Variants in CACNA1C observed in about 807,000 individuals in gnomAD.
CACNA1C encodes the protein calcium voltage-gated channel subunit alpha1 C.
Under a neutral mutation model 229.0 loss-of-function variants are expected in CACNA1C, and 30 were observed. The ratio of observed to expected loss-of-function variants is 0.13; its 90% confidence interval spans 0.10 to 0.18. The LOEUF is 0.18. Among genes scored for constraint, CACNA1C ranks in the 10% least tolerant of loss-of-function variants. The probability of loss-of-function intolerance (pLI) is 1.00; values close to 1 mark genes in which losing one functional copy is unlikely to be tolerated. For missense variants in CACNA1C, 1,658 were observed against 2,845.0 expected (o/e 0.58, Z 9.49); for synonymous variants, 1,114 against 1,132.5 (o/e 0.98, Z 0.33).
chr12:2,529,467 G>T (rs2099835768), intron 9 of CACNA1C, among the ~76,000 whole-genome samples: 2 of 152,306 alleles, frequency 1.3e-5, no homozygotes, highest in South Asian at 4.1e-4. Context: ...ACAGATCCTG[G>T]TGCATAGGCA....
rs768719369 is a variant in CACNA1C, at chr12:2,512,962, G to A, written c.1368G>A (p.Met456Ile). ...ATCCTGAGAATGAGGACGAAGGCAT[G>A]GATGAGGAGAAGCCCCGAAACAGTG... ...DIDPENEDEG[M>I]DEEKPRNMSM... Residue 456 changes from methionine (M) to isoleucine (I), a missense_variant, in exon 9 of 47, where the codon ATG (methionine) becomes ATA (isoleucine). This residue lies in a region of CACNA1C where 149 missense variants were observed against 194.2 expected (regional missense o/e 0.77). Coordinates refer to ENST00000399655, the MANE Select transcript of CACNA1C (RefSeq NM_000719.7). This position sits in a 1 kb window ranked among gnomAD's most constrained non-coding sequence, Gnocchi z 4.3. The A allele has an allele frequency of 1.2e-6, 2 of 1,606,908 alleles. No homozygotes were observed. The highest frequency in any genetic ancestry group is 2.2e-5 in the East Asian group (1 of 44,660).
chr12:2,462,405 C>T (rs2099516273), intron 5 of CACNA1C, among the ~76,000 whole-genome samples: 1 of 142,968 alleles, frequency 7.0e-6, no homozygotes, highest in African/African-American at 2.6e-5. Context: ...CCCTCACTCC[C>T]CGTTCATCCA....
intron 10 of CACNA1C, among the ~76,000 whole-genome samples, chr12:2,556,639 G>T (rs889670959): frequency 6.6e-6 from 1 of 152,156 alleles, no homozygotes; most frequent in African/African-American, 2.4e-5. Context: ...TCTGCAGCTT[G>T]TCTCAAGATA....
At chr12:2,314,156 C>G (rs1341603981) in intron 3 of CACNA1C, among the ~76,000 whole-genome samples, 1 of 152,186 alleles carries the variant, frequency 6.6e-6, no homozygotes, top group Admixed American at 6.5e-5. Context: ...GGCACCTGCT[C>G]TTCTGAGGAG....
At chr12:2,671,442 G>GT (rs1556018775) in intron 38 of CACNA1C, among the ~76,000 whole-genome samples, 5 of 152,150 alleles carry the variant, frequency 3.3e-5, no homozygotes, top group African/African-American at 7.2e-5. Flanking sequence ...TACTCCTTTA[G>GT]TTTTTTTACT....
In CACNA1C at chr12:2,304,230, G is replaced by C. The variant is rs1208455330; in HGVS notation, c.478-144746G>C. ...GGTGGATTCCAGTGGGCTGCCAGCC[G>C]GGCGTGTGTGTGAGGCGAGGTGGAG... On this transcript the variant is annotated intron_variant, in intron 3 of 46. Transcript: ENST00000399655. Among the ~76,000 whole-genome samples the C allele has an allele frequency of 3.3e-5, 5 of 152,104 alleles. No homozygotes were observed. In the South Asian group the frequency reaches 6.2e-4, roughly 19 times the overall value.
chr12:2,201,247 G>GA (rs1303160732), intron 3 of CACNA1C, among the ~76,000 whole-genome samples: 2 of 152,140 alleles, frequency 1.3e-5, no homozygotes, highest in African/African-American at 4.8e-5. Flanking sequence ...GAAGGTGGGG[G>GA]ACCTTCCCCG....
intron 5 of CACNA1C, among the ~76,000 whole-genome samples, chr12:2,470,813 G>C (rs1052222398): frequency 9.2e-5 from 14 of 152,190 alleles, no homozygotes; most frequent in Middle Eastern, 3.4e-3. Flanking sequence ...AAGTTGGACT[G>C]ATCAGAGAAG....
intron 1 of CACNA1C, among the ~76,000 whole-genome samples, chr12:2,040,041 T>C (rs970347092): frequency 6.6e-6 from 1 of 152,146 alleles, no homozygotes; most frequent in Non-Finnish European, 1.5e-5. Flanking sequence ...AGTCATCACC[T>C]CTTCATTCAA....
Position 2,651,519 on chromosome 12 carries a change from C to A in CACNA1C, c.3946-121C>A. On this transcript the variant is annotated intron_variant, in intron 31 of 46. Coordinates refer to ENST00000399655, the MANE Select transcript of CACNA1C (RefSeq NM_000719.7). This position sits in a 1 kb window ranked among gnomAD's most constrained non-coding sequence, Gnocchi z 5.4. The stretch of plus-strand genomic sequence containing the variant: ...TCCCATCGGAGGGGGAAGTCTAGTG[C>A]AGCAAACCCTGGCCTGCCTTCCGCC... 1 of 1,474,526 alleles carries A rather than the reference C, an allele frequency of 6.8e-7. No homozygotes were observed. Among genetic ancestry groups the A allele is most frequent in the Non-Finnish European group, 9.4e-7 (1 of 1,060,094 alleles). 91.3% of individuals were successfully genotyped at this position (1,474,526 alleles called of 1,614,324 possible).
intron 1 of CACNA1C, among the ~76,000 whole-genome samples, chr12:2,038,128 C>T (rs1435611328): frequency 6.6e-6 from 1 of 152,130 alleles, no homozygotes; most frequent in Non-Finnish European, 1.5e-5. Flanking sequence ...TAGCCCAGGT[C>T]CCTGACATAC....
At chr12:2,145,794 G>A (rs1464592248) in intron 3 of CACNA1C, among the ~76,000 whole-genome samples, 2 of 151,184 alleles carry the variant, frequency 1.3e-5, no homozygotes, top group African/African-American at 2.4e-5. Context: ...GCCTCAATTT[G>A]CCTGATAGTC....
chr12:2,528,526 C>T lies in CACNA1C; in HGVS notation c.1390+15542C>T, dbSNP rs115929493. On this transcript the variant is annotated intron_variant, in intron 9 of 46. Coordinates refer to ENST00000399655, the MANE Select transcript of CACNA1C (RefSeq NM_000719.7). ...ACTTGTGCACACCCTGATCTCTGCA[C>T]GGAAAGCCCAGCCCCACCATCTGCC... is the stretch of plus-strand genomic sequence containing the variant. Among the ~76,000 whole-genome samples the T allele has an allele frequency of 5.4e-3, 816 of 152,362 alleles. 6 individuals carry two copies. Among genetic ancestry groups the T allele is most frequent in the African/African-American group, 0.017 (717 of 41,588 alleles).
At chr12:2,379,275 G>A (rs2098167021) in intron 3 of CACNA1C, among the ~76,000 whole-genome samples, 1 of 152,176 alleles carries the variant, frequency 6.6e-6, no homozygotes, top group African/African-American at 2.4e-5. Context: ...AGTACAATTT[G>A]TCCATGTAAC....
chr12:2,150,127 G>C (rs528866870), intron 3 of CACNA1C, among the ~76,000 whole-genome samples: 4 of 152,344 alleles, frequency 2.6e-5, no homozygotes, highest in South Asian at 2.1e-4. Context: ...GCAACCTTTT[G>C]TATCAGCTTA....
In CACNA1C at chr12:2,677,879, C is replaced by T. The variant is rs756254077; in HGVS notation, c.5091+12C>T. The T allele has an allele frequency of 2.5e-6, 4 of 1,613,718 alleles. No individual in the cohort carries two copies. The South Asian group carries it at 4.4e-5, about 18-fold the overall frequency. On this transcript the variant is annotated intron_variant, in intron 41 of 46. Transcript: ENST00000399655. The surrounding 1 kb of genome is among the most constrained non-coding windows in gnomAD (Gnocchi z 7.4). ...ATGACATCTTCAGGGTGGGTGGTGCCATGGCGCACTCTCGACCCCTATAAA... is the reference window on the plus strand; with the variant it reads ...ATGACATCTTCAGGGTGGGTGGTGCTATGGCGCACTCTCGACCCCTATAAA...
intron 3 of CACNA1C, among the ~76,000 whole-genome samples, chr12:2,303,121 A>C (rs558162991): frequency 2.3e-4 from 35 of 152,358 alleles, no homozygotes; most frequent in African/African-American, 8.2e-4. Flanking sequence ...ATGTGGTTGC[A>C]TGCTGGAGCC....
chr12:2,652,970 C>T (rs1219129613), intron 32 of CACNA1C, among the ~76,000 whole-genome samples: 2 of 152,242 alleles, frequency 1.3e-5, no homozygotes, highest in African/African-American at 2.4e-5. Flanking sequence ...CGCAGGCGTT[C>T]GGGCCAGGCA....
intron 3 of CACNA1C, among the ~76,000 whole-genome samples, chr12:2,216,736 C>T (rs2060074053): frequency 6.6e-6 from 1 of 152,146 alleles, no homozygotes; most frequent in South Asian, 2.1e-4. Flanking sequence ...TTTTTGAAAG[C>T]ACCCCCAGGT....
Sources: allele counts gnomAD v4.1 joint callset (sites outside exome capture counted in the v4.1 genomes callset), GRCh38; gene constraint gnomAD v4.1.1; regional missense constraint gnomAD v4.1.1; non-coding constraint Gnocchi (gnomAD v3.1); transcripts MANE v1.5; gene names NCBI Gene and HGNC (gene_info 2026-07-23, HGNC 2026-07-21).